OPCML: variants seen among roughly 807,000 people sequenced by gnomAD.
The protein encoded by OPCML is opioid binding protein/cell adhesion molecule like, also known as opioid-binding protein/cell adhesion molecule.
Under a neutral mutation model 37.8 loss-of-function variants are expected in OPCML, and 13 were observed. The ratio of observed to expected loss-of-function variants is 0.34; its 90% confidence interval spans 0.22 to 0.55. The LOEUF (loss-of-function observed/expected upper bound fraction) is 0.55, where lower values mean the gene tolerates loss of function less well. Ranked by LOEUF, OPCML falls within the 20% of genes least tolerant of loss-of-function variation. The probability of loss-of-function intolerance (pLI) is 0.91; values close to 1 mark genes in which losing one functional copy is unlikely to be tolerated. For missense variants in OPCML, 341 were observed against 435.6 expected (o/e 0.78, Z 1.93); for synonymous variants, 176 against 168.8 (o/e 1.04, Z -0.33).
intron 2 of OPCML, among the ~76,000 whole-genome samples, chr11:132,783,628 C>T (rs1481005519): frequency 6.6e-6 from 1 of 152,070 alleles, no homozygotes; most frequent in Admixed American, 6.5e-5. Flanking sequence ...ACATCCTAAG[C>T]AAAAATCCAG....
intron 2 of OPCML, among the ~76,000 whole-genome samples, chr11:132,741,272 T>C (rs1474325801): frequency 6.6e-6 from 1 of 152,194 alleles, no homozygotes; most frequent in Non-Finnish European, 1.5e-5. Context: ...CATCATCAGG[T>C]ACCTCTGAAA....
intron 2 of OPCML, among the ~76,000 whole-genome samples, chr11:132,751,954 A>G (rs1945849128): frequency 6.6e-6 from 1 of 152,194 alleles, no homozygotes; most frequent in South Asian, 2.1e-4. Flanking sequence ...CTATCTCTGC[A>G]TTTCAGTGGG....
chr11:132,453,595 T>C (rs1355838385), intron 4 of OPCML, among the ~76,000 whole-genome samples: 1 of 152,222 alleles, frequency 6.6e-6, no homozygotes, highest in Non-Finnish European at 1.5e-5. Flanking sequence ...GTAAGACTGA[T>C]TACTCATAAC....
At chr11:133,192,354 A>G (rs1938359122) in intron 1 of OPCML, among the ~76,000 whole-genome samples, 4 of 152,078 alleles carry the variant, frequency 2.6e-5, no homozygotes, top group Non-Finnish European at 4.4e-5. Context: ...AGGTCATAAT[A>G]TATACATGAG....
At chr11:132,427,900 C>A (rs1170971085) in intron 7 of OPCML, among the ~76,000 whole-genome samples, 1 of 152,128 alleles carries the variant, frequency 6.6e-6, no homozygotes, top group Non-Finnish European at 1.5e-5. Flanking sequence ...TGACATTTTG[C>A]AGGTTGGGGG....
chr11:133,349,619 C>A (rs979907811), intron 1 of OPCML, among the ~76,000 whole-genome samples: 2 of 152,128 alleles, frequency 1.3e-5, no homozygotes, highest in African/African-American at 4.8e-5. Flanking sequence ...TTTACAAAAT[C>A]TGTTTAAGAC....
intron 3 of OPCML, among the ~76,000 whole-genome samples, chr11:132,650,981 A>G (rs1438616535): frequency 6.6e-6 from 1 of 152,090 alleles, no homozygotes; most frequent in African/African-American, 2.4e-5. Flanking sequence ...GAGATTGCTT[A>G]CAAAGAGTTG....
intron 1 of OPCML, among the ~76,000 whole-genome samples, chr11:133,172,262 A>G (rs1364303994): frequency 2.0e-5 from 3 of 152,164 alleles, no homozygotes; most frequent in African/African-American, 4.8e-5. Flanking sequence ...GAGATCATGG[A>G]TCAGTAGAAA....
chr11:132,890,881 A>C (rs1943620477), intron 2 of OPCML, among the ~76,000 whole-genome samples: 1 of 151,400 alleles, frequency 6.6e-6, no homozygotes, highest in African/African-American at 2.4e-5. Context: ...AAAGAAAAAA[A>C]AAGAAAAGAA....
intron 4 of OPCML, among the ~76,000 whole-genome samples, chr11:132,474,840 G>T (rs1189415706): frequency 6.6e-6 from 1 of 152,108 alleles, no homozygotes; most frequent in East Asian, 1.9e-4. Context: ...CAGTCACTAT[G>T]GTGTAAAACG....
chr11:132,902,045 T>G (rs942646289), intron 2 of OPCML, among the ~76,000 whole-genome samples: 1 of 152,192 alleles, frequency 6.6e-6, no homozygotes, highest in Admixed American at 6.5e-5. Flanking sequence ...AATGTATGTA[T>G]GGCTTATGTA....
intron 2 of OPCML, among the ~76,000 whole-genome samples, chr11:132,920,519 C>G (rs1158455079): frequency 6.6e-6 from 1 of 152,336 alleles, no homozygotes; most frequent in East Asian, 1.9e-4. Flanking sequence ...CGCAGCCCCC[C>G]TGGAGAAGGA....
chr11:133,509,414 G>A (rs1231526845), intron 1 of OPCML, among the ~76,000 whole-genome samples: 1 of 152,124 alleles, frequency 6.6e-6, no homozygotes, highest in Non-Finnish European at 1.5e-5. Flanking sequence ...TCCACTTCGT[G>A]GCTACATAGT....
intron 1 of OPCML, among the ~76,000 whole-genome samples, chr11:133,059,822 C>A (rs1948307408): frequency 6.6e-6 from 1 of 152,106 alleles, no homozygotes; most frequent in African/African-American, 2.4e-5. Flanking sequence ...TACTTGGCAG[C>A]CATTTTCTCA....
intron 2 of OPCML, among the ~76,000 whole-genome samples, chr11:132,824,581 A>G (rs77850157): frequency 1.3e-5 from 2 of 151,982 alleles, no homozygotes; most frequent in Non-Finnish European, 2.9e-5. Flanking sequence ...TCTTGAGCAC[A>G]CCCCATCATC....
chr11:133,149,084 A>G (rs1452966452), intron 1 of OPCML, among the ~76,000 whole-genome samples: 1 of 152,170 alleles, frequency 6.6e-6, no homozygotes, highest in African/African-American at 2.4e-5. Flanking sequence ...AACTGGGAAA[A>G]GCAACAGACC....
intron 1 of OPCML, among the ~76,000 whole-genome samples, chr11:133,330,119 G>A (rs1197622797): frequency 1.3e-5 from 2 of 152,146 alleles, no homozygotes; most frequent in East Asian, 1.9e-4. Context: ...AGAAATGCAA[G>A]TCAAAACCAC....
intron 1 of OPCML, chr11:133,009,083 A>T (rs1947166232): frequency 2.0e-6 from 2 of 985,288 alleles, no homozygotes; most frequent in African/African-American, 3.5e-5. Flanking sequence ...ATGTATGGGC[A>T]GGTTTAGTGA....
chr11:133,310,320 C>T (rs988124843), intron 1 of OPCML, among the ~76,000 whole-genome samples: 2 of 152,090 alleles, frequency 1.3e-5, no homozygotes, highest in Admixed American at 6.5e-5. Flanking sequence ...TCTCCTTGGA[C>T]GTGGGGATTA....
Sources: gnomAD v4.1 joint callset for allele counts (sites outside exome capture counted in the v4.1 genomes callset) on GRCh38, gnomAD v4.1.1 for gene constraint, MANE v1.5 for transcripts, NCBI Gene and HGNC (gene_info 2026-07-23, HGNC 2026-07-21) for gene names.